CDH18: variants seen among roughly 807,000 people sequenced by gnomAD.
CDH18 encodes cadherin 18.
In CDH18, 31 loss-of-function variants were observed where a neutral mutation model predicts 67.9. That is an observed-to-expected ratio of 0.46 (90% confidence interval 0.34 to 0.62). CDH18 has a LOEUF of 0.62. Ranked by LOEUF, CDH18 falls within the 20% of genes least tolerant of loss-of-function variation. CDH18 has a pLI of 0.01. For synonymous variants in CDH18, 362 were observed against 347.2 expected (o/e 1.04, Z -0.48); for missense variants, 890 against 975.5 (o/e 0.91, Z 1.17).
At chr5:20,022,138 C>T (rs1738480840) in intron 2 of CDH18, among the ~76,000 whole-genome samples, 1 of 152,132 alleles carries the variant, frequency 6.6e-6, no homozygotes, top group African/African-American at 2.4e-5. Flanking sequence ...GAAAACCTTA[C>T]CTTTTTATAA....
At chr5:20,084,098 A>G (rs569074931) in intron 2 of CDH18, among the ~76,000 whole-genome samples, 2 of 152,306 alleles carry the variant, frequency 1.3e-5, no homozygotes, top group African/African-American at 4.8e-5. Context: ...CATTGGAGAC[A>G]AGGCAAGTCC....
intron 2 of CDH18, among the ~76,000 whole-genome samples, chr5:20,241,057 C>T (rs997207029): frequency 1.3e-5 from 2 of 151,810 alleles, no homozygotes; most frequent in Non-Finnish European, 2.9e-5. Context: ...AGCATTTATC[C>T]TCATTTCAAA....
At chr5:19,893,639 G>C (rs1359939654) in intron 2 of CDH18, among the ~76,000 whole-genome samples, 1 of 114,044 alleles carries the variant, frequency 8.8e-6, no homozygotes, top group East Asian at 2.5e-4. Context: ...AGATTCAGGG[G>C]GAATATTAGG....
intron 2 of CDH18, among the ~76,000 whole-genome samples, chr5:20,219,705 G>C (rs1042041217): frequency 2.0e-5 from 3 of 151,856 alleles, no homozygotes; most frequent in East Asian, 3.9e-4. Flanking sequence ...GTGATATATG[G>C]TATGAACAGA....
chr5:20,175,787 C>G (rs1034171988), intron 2 of CDH18, among the ~76,000 whole-genome samples: 3 of 152,064 alleles, frequency 2.0e-5, no homozygotes, highest in African/African-American at 7.2e-5. Context: ...ATATTCTAGC[C>G]TCACTGGCAG....
At chr5:19,981,690 C>T (rs191150831) in intron 1 of CDH18, among the ~76,000 whole-genome samples, 10 of 152,282 alleles carry the variant, frequency 6.6e-5, no homozygotes, top group Middle Eastern at 3.4e-3. Context: ...TCATAACACT[C>T]CATTTCAATT....
At chr5:19,807,332 TA>T (rs1419643052) in intron 3 of CDH18, among the ~76,000 whole-genome samples, 3 of 151,846 alleles carry the variant, frequency 2.0e-5, no homozygotes, top group Non-Finnish European at 4.4e-5. Flanking sequence ...AACTAAAAAT[TA>T]AAAAAAGAAA....
intron 2 of CDH18, among the ~76,000 whole-genome samples, chr5:20,060,294 G>A (rs771647749): frequency 5.9e-5 from 9 of 151,760 alleles, no homozygotes; most frequent in Non-Finnish European, 1.0e-4. Flanking sequence ...ATGAAACCCC[G>A]TCTCTACTAA....
At chr5:19,738,647 A>G (rs1322463370) in intron 4 of CDH18, among the ~76,000 whole-genome samples, 1 of 152,214 alleles carries the variant, frequency 6.6e-6, no homozygotes, top group South Asian at 2.1e-4. Flanking sequence ...TTGCAAATTG[A>G]CCAGTTTTAT....
intron 3 of CDH18, among the ~76,000 whole-genome samples, chr5:19,830,486 G>C (rs1037265171): frequency 2.6e-5 from 4 of 152,024 alleles, no homozygotes; most frequent in Non-Finnish European, 5.9e-5. Flanking sequence ...ACCACAATTT[G>C]ATACCATCTT....
chr5:20,185,097 A>G (rs1256165864), intron 2 of CDH18, among the ~76,000 whole-genome samples: 1 of 151,816 alleles, frequency 6.6e-6, no homozygotes, highest in Non-Finnish European at 1.5e-5. Context: ...ATAAATAGCA[A>G]CTCTAGTCAT....
intron 6 of CDH18, among the ~76,000 whole-genome samples, chr5:19,602,422 CATAA>C (rs1170147131): frequency 6.6e-6 from 1 of 151,652 alleles, no homozygotes; most frequent in East Asian, 1.9e-4. Context: ...AAATTAAAGA[CATAA>C]ATAAATGCAA....
intron 1 of CDH18, among the ~76,000 whole-genome samples, chr5:20,551,587 G>A (rs1166924425): frequency 6.6e-6 from 1 of 152,076 alleles, no homozygotes; most frequent in Non-Finnish European, 1.5e-5. Flanking sequence ...AATTGGAGTT[G>A]AGTAACAACT....
intron 1 of CDH18, among the ~76,000 whole-genome samples, chr5:20,383,190 C>T (rs185191580): frequency 1.4e-3 from 213 of 152,072 alleles, no homozygotes; most frequent in African/African-American, 4.7e-3. Context: ...TTAAATATTG[C>T]GTTATGATAG....
intron 1 of CDH18, among the ~76,000 whole-genome samples, chr5:20,330,988 A>G (rs1739118430): frequency 6.6e-6 from 1 of 152,174 alleles, no homozygotes. Flanking sequence ...ACCCATATGT[A>G]TTTGCTACTG....
intron 11 of CDH18, among the ~76,000 whole-genome samples, chr5:19,485,204 A>G (rs1740170600): frequency 6.6e-6 from 1 of 152,080 alleles, no homozygotes. Flanking sequence ...AATTGAAGAA[A>G]ATTTTCTTAC....
At chr5:19,776,876 A>G (rs1451504218) in intron 3 of CDH18, among the ~76,000 whole-genome samples, 1 of 152,246 alleles carries the variant, frequency 6.6e-6, no homozygotes, top group Non-Finnish European at 1.5e-5. Context: ...ATAGGGATAA[A>G]ATGAAATGCC....
At chr5:20,324,504 G>T (rs1178443509) in intron 1 of CDH18, among the ~76,000 whole-genome samples, 1 of 151,974 alleles carries the variant, frequency 6.6e-6, no homozygotes, top group Non-Finnish European at 1.5e-5. Flanking sequence ...TCAGGCCACT[G>T]CACTCCAGCC....
intron 1 of CDH18, among the ~76,000 whole-genome samples, chr5:20,467,314 A>T (rs1017315689): frequency 5.5e-5 from 8 of 144,506 alleles, no homozygotes; most frequent in African/African-American, 1.8e-4. Context: ...TATATATATA[A>T]AAAAGGACTC....
Sources: gnomAD v4.1 joint callset for allele counts (sites outside exome capture counted in the v4.1 genomes callset) on GRCh38, gnomAD v4.1.1 for gene constraint, MANE v1.5 for transcripts, NCBI Gene and HGNC (gene_info 2026-07-23, HGNC 2026-07-21) for gene names.